The following MRTFA variants were observed in gnomAD, a reference collection of about 807,000 sequenced individuals.
MRTFA encodes myocardin related transcription factor A, also known as myocardin-related transcription factor A.
In MRTFA, 20 loss-of-function variants were observed where a neutral mutation model predicts 83.5. The ratio of observed to expected loss-of-function variants is 0.24; its 90% CI spans 0.17 to 0.35. The LOEUF (loss-of-function observed/expected upper bound fraction) is 0.35, where lower values mean the gene tolerates loss of function less well. Ranked by LOEUF, MRTFA falls within the 10% of genes least tolerant of loss-of-function variation. The pLI, the probability that MRTFA is intolerant of heterozygous loss-of-function variation, is 1.00. For synonymous variants in MRTFA, 659 were observed against 541.2 expected, an observed-to-expected ratio of 1.22 and a Z score of -3.02; for missense variants, 1,200 against 1,224.7, an observed-to-expected ratio of 0.98 and a Z score of 0.30.
At chr22:40,449,188 A>G (rs1004977999) in intron 4 of MRTFA, among the ~76,000 whole-genome samples, 1 of 151,300 alleles carries the variant, frequency 6.6e-6, no homozygotes, top group African/African-American at 2.4e-5. Flanking sequence ...AATGGCGTGA[A>G]CCCAGGAGGC....
Position 40,419,019 on chromosome 22 carries a change from C to T in MRTFA, c.1719G>A (p.Gly573=), listed in dbSNP as rs748164864. ...ATGTCACCATCTCACCAAAGGTGTCCCCGGGGGTGGAGTTTTCATCGCCCG... is the reference window on the plus strand; with the variant it reads ...ATGTCACCATCTCACCAAAGGTGTCTCCGGGGGTGGAGTTTTCATCGCCCG... Residue 573 remains glycine, a synonymous_variant, in exon 12 of 15, where the codon GGG becomes GGA. Coordinates refer to ENST00000355630, the MANE Select transcript of MRTFA (RefSeq NM_020831.6). 1 of 1,612,632 alleles carries T rather than the reference C, an allele frequency of 6.2e-7. No homozygotes were observed. The highest frequency in any genetic ancestry group is 2.2e-5 in the East Asian group (1 of 44,854).
intron 3 of MRTFA, among the ~76,000 whole-genome samples, chr22:40,538,395 TC>T (rs1216313310): frequency 1.5e-4 from 22 of 149,448 alleles, no homozygotes; most frequent in Admixed American, 1.0e-3. Context: ...TCATCACCAA[TC>T]CCTAATCTCA....
chr22:40,428,852 C>A lies in MRTFA; in HGVS notation c.601+754G>T, dbSNP rs369583226. 2.0e-5 allele frequency among the ~76,000 whole-genome samples: 3 copies of A among 152,256 alleles called. No individual in the cohort carries two copies. In the South Asian group the frequency reaches 6.2e-4, roughly 32 times the overall value. On this transcript the variant is annotated intron_variant, in intron 7 of 14. Transcript: ENST00000355630. ...CCTTCCAGTGCCTTCTCATCAGGTC[C>A]TAGGGTTGTTCTCCCTGCCTGGAGC...
At chr22:40,568,391 T>G (rs1001466318) in intron 2 of MRTFA, among the ~76,000 whole-genome samples, 2 of 152,200 alleles carry the variant, frequency 1.3e-5, no homozygotes, top group African/African-American at 4.8e-5. Context: ...TTAGTTGTGG[T>G]TATTAAAGAC....
intron 4 of MRTFA, among the ~76,000 whole-genome samples, chr22:40,460,584 C>G (rs1008396170): frequency 3.3e-5 from 5 of 152,180 alleles, no homozygotes; most frequent in Non-Finnish European, 7.4e-5. Flanking sequence ...TCTAGGACTA[C>G]CCTAGGCACA....
intron 5 of MRTFA, among the ~76,000 whole-genome samples, chr22:40,434,380 TAAAAAA>T (rs113759032): frequency 7.5e-6 from 1 of 133,026 alleles, no homozygotes; most frequent in Non-Finnish European, 1.6e-5. Flanking sequence ...AAAGAAAGTT[TAAAAAA>T]AAAAAAAAAA....
rs184904787 is a variant in MRTFA at position 40,411,254 on chromosome 22, C to T, written c.*136G>A. The T allele has an allele frequency of 5.1e-6, 5 of 984,200 alleles. No individual in the cohort carries two copies. The East Asian group carries it at 7.7e-5, about 15-fold the overall frequency. 61.0% of individuals were successfully genotyped at this position (984,200 alleles called of 1,614,324 possible). A position where few individuals can be genotyped will look rare whatever the true frequency, so the allele number is the denominator to read the frequency against. ...AGTAAGGGCTTCTCTGTTCTAGCCT[C>T]CCAGGGAAGGGAAAAAGCAGGGGCT... On this transcript the variant is annotated 3_prime_UTR_variant, in exon 15 of 15. Transcript: ENST00000355630.
Position 40,423,682 on chromosome 22 carries a change from C to A in MRTFA, c.781G>T (p.Val261Leu). ...TCCCGGCCCATCGGAAGTTGAGACA[C>A]AACCTGAGAGGGAAAAAGGGAAGTG... The change falls in exon 9 of 15, where the codon GTG (valine) becomes TTG (leucine). Residue 261 changes from valine to leucine, a missense_variant. Physicochemically the swap from Val to Leu is conservative, Grantham distance 32. This residue lies in a region of MRTFA where 1,107 missense variants were observed against 1,041.8 expected (regional missense o/e 1.06). Transcript: ENST00000355630. The A allele has an allele frequency of 1.3e-6, 2 of 1,558,418 alleles. No individual in the cohort carries two copies. The highest frequency in any genetic ancestry group is 1.7e-6 in the Non-Finnish European group (2 of 1,149,738).
At chr22:40,431,857 G>A (rs891546668) in intron 5 of MRTFA, among the ~76,000 whole-genome samples, 1 of 152,140 alleles carries the variant, frequency 6.6e-6, no homozygotes, top group Admixed American at 6.6e-5. Flanking sequence ...AGTATTCTGG[G>A]ATATCTGTTT....
intron 4 of MRTFA, among the ~76,000 whole-genome samples, chr22:40,460,404 A>T (rs1370370556): frequency 6.6e-6 from 1 of 152,222 alleles, no homozygotes; most frequent in South Asian, 2.1e-4. Context: ...GGTCCTGAGA[A>T]GTAGCATTAT....
intron 3 of MRTFA, among the ~76,000 whole-genome samples, chr22:40,525,833 C>T (rs961940783): frequency 2.6e-5 from 4 of 151,876 alleles, no homozygotes; most frequent in African/African-American, 9.7e-5. Flanking sequence ...TATTCTTATA[C>T]ACAAGGCAGA....
chr22:40,632,543 C>T (rs567023280), intron 1 of MRTFA, among the ~76,000 whole-genome samples: 1 of 152,270 alleles, frequency 6.6e-6, no homozygotes, highest in Admixed American at 6.5e-5. Context: ...TCAAGTGATT[C>T]TCATGCCTTA....
At chr22:40,540,415 C>T (rs2055268898) in intron 3 of MRTFA, among the ~76,000 whole-genome samples, 1 of 152,132 alleles carries the variant, frequency 6.6e-6, no homozygotes, top group Non-Finnish European at 1.5e-5. Flanking sequence ...TTCTCACAGC[C>T]TCCATGGATA....
At chr22:40,479,205 C>T (rs2054047832) in intron 3 of MRTFA, among the ~76,000 whole-genome samples, 2 of 152,182 alleles carry the variant, frequency 1.3e-5, no homozygotes, top group Admixed American at 1.3e-4. Flanking sequence ...CCTCCACCTT[C>T]CCTTCTCTGC....
chr22:40,444,500 A>G lies in MRTFA; in HGVS notation c.308-8946T>C, dbSNP rs74413361. Among the ~76,000 whole-genome samples the G allele has an allele frequency of 2.7e-3, 409 of 152,338 alleles. 2 individuals carry two copies. The highest frequency in any genetic ancestry group is 4.9e-3 in the Non-Finnish European group (330 of 68,028). On this transcript the variant is annotated intron_variant, in intron 4 of 14. Coordinates refer to ENST00000355630, the MANE Select transcript of MRTFA (RefSeq NM_020831.6). ...TAACTGGAAAAAAATTTATAGTAAC[A>G]TAAGCCATAATTAAACTTTGGAAAA...
chr22:40,488,889 A>G lies in MRTFA; in HGVS notation c.242-25603T>C, dbSNP rs1232124357. On this transcript the variant is annotated intron_variant, in intron 3 of 14. Transcript: ENST00000355630. ...TGCTTTAGCCACATTTCAAATCTCA[A>G]TGGGTACATTTGACTTGTGGCTAAC... Among the ~76,000 whole-genome samples the G allele has an allele frequency of 2.6e-5, 4 of 152,188 alleles. No individual in the cohort carries two copies. In the South Asian group the frequency reaches 6.2e-4, roughly 24 times the overall value.
intron 5 of MRTFA, among the ~76,000 whole-genome samples, chr22:40,432,274 CA>C (rs908629452): frequency 5.3e-5 from 8 of 150,280 alleles, no homozygotes; most frequent in Non-Finnish European, 1.0e-4. Context: ...AACCAAAAAC[CA>C]AAAAAAAACC....
rs553356194 is a variant in MRTFA, at chr22:40,418,460, T to C, written c.2278A>G (p.Thr760Ala). ...ACAAGGTGGGTCCCTGTGGAGTCGG[T>C]GATGAGGGTGGGAGGTGCAACCCCC... Residue 760 changes from threonine to alanine, a missense_variant, in exon 12 of 15, where the codon ACC (threonine) becomes GCC (alanine). Thr to Ala is a moderately conservative substitution (Grantham distance 58). This residue lies in a region of MRTFA where 1,107 missense variants were observed against 1,041.8 expected (regional missense o/e 1.06). Transcript: ENST00000355630. 1 of 1,613,720 alleles carries C rather than the reference T, an allele frequency of 6.2e-7. No homozygotes were observed. The highest frequency in any genetic ancestry group is 1.3e-5 in the African/African-American group (1 of 74,950).
intron 3 of MRTFA, among the ~76,000 whole-genome samples, chr22:40,490,233 G>A (rs2054249130): frequency 6.6e-6 from 1 of 152,112 alleles, no homozygotes; most frequent in South Asian, 2.1e-4. Flanking sequence ...ATGTTGCCAT[G>A]GTGTTTCTTT....
Sources: gnomAD v4.1 joint callset for allele counts (sites outside exome capture counted in the v4.1 genomes callset) on GRCh38, gnomAD v4.1.1 for gene constraint, gnomAD v4.1.1 regional missense constraint, MANE v1.5 for transcripts, NCBI Gene and HGNC (gene_info 2026-07-23, HGNC 2026-07-21) for gene names.